The following ARL10 variants were observed in gnomAD, a reference collection of about 807,000 sequenced individuals.
ARL10 encodes the protein ADP-ribosylation factor-like protein 10.
Under a neutral mutation model 26.1 loss-of-function variants are expected in ARL10, and 23 were observed. The observed-to-expected ratio is 0.88, with a 90% CI of 0.63 to 1.25. The LOEUF (loss-of-function observed/expected upper bound fraction) is 1.25. Among genes scored for constraint, ARL10 ranks in the 50% most tolerant of loss-of-function variants. ARL10 has a pLI of 0.00. For synonymous variants in ARL10, 138 were observed against 149.1 expected (o/e 0.93, Z 0.54); for missense variants, 300 against 323.6 (o/e 0.93, Z 0.56).
Position 176,377,462 on chromosome 5 carries a change from T to C in ARL10, c.*5567T>C, listed in dbSNP as rs1768716229. ...TCTTATAACTCCTTAGCTACTGCCATAGCATCAGCTCTCCTACACAGGAAA... is the reference window on the plus strand; with the variant it reads ...TCTTATAACTCCTTAGCTACTGCCACAGCATCAGCTCTCCTACACAGGAAA... On this transcript the variant is annotated 3_prime_UTR_variant, in exon 4 of 4. Coordinates refer to ENST00000310389, the MANE Select transcript of ARL10 (RefSeq NM_173664.6). This position sits in a 1 kb window ranked among gnomAD's most constrained non-coding sequence, Gnocchi z 4.5. 6.6e-6 allele frequency: 1 copy of C among 152,182 alleles called. No individual in the cohort carries two copies. The highest frequency in any genetic ancestry group is 6.5e-5 in the Admixed American group (1 of 15,282). The allele number at this position is 152,182 out of a possible 1,614,324, so 9.4% of individuals were successfully genotyped here.
At chr5:176,403,013 C>T (rs1255604554), downstream of ARL10, among the ~76,000 whole-genome samples, 5 of 151,408 alleles carry the variant, frequency 3.3e-5, no homozygotes. Flanking sequence ...TCATCTGTAT[C>T]CTTCAGGGCC....
chr5:176,397,994 C>G (rs1463403015), intron 1 of ARL10: 1 of 1,614,006 alleles, frequency 6.2e-7, no homozygotes, highest in Non-Finnish European at 8.5e-7. Context: ...GCTCCTGGGT[C>G]AGCCTGTCAG....
At chr5:176,371,207 T>A (rs1206606041) in intron 3 of ARL10, among the ~76,000 whole-genome samples, 2 of 152,016 alleles carry the variant, frequency 1.3e-5, no homozygotes, top group Non-Finnish European at 2.9e-5. Flanking sequence ...AAACCCCGTC[T>A]CTACTAAAAA....
the ARL10 span, among the ~76,000 whole-genome samples, chr5:176,412,432 C>G: frequency 2.0e-5 from 3 of 152,122 alleles, no homozygotes; most frequent in African/African-American, 7.2e-5. Context: ...GGCTCCAGCA[C>G]GGAATGGGTG....
chr5:176,365,769 C>G (rs773414739), intron 1 of ARL10, 23 bp downstream of exon 1: 2 of 1,233,186 alleles, frequency 1.6e-6, no homozygotes, highest in South Asian at 4.0e-5. Context: ...CCGAGGCCTG[C>G]GGAAGGGCGG....
At position 176,376,403 on chromosome 5, in the gene ARL10, T is replaced by C. The variant is rs992395956; in HGVS notation, c.*4508T>C. On this transcript the variant is annotated 3_prime_UTR_variant, in exon 4 of 4. Transcript: ENST00000310389. Reference sequence around the variant, plus strand: ...AAAGGTTAGCATTCCACTCTTCCTTTGGGGTTTCAGGGTGACTTATTGGGA... The same window carrying C: ...AAAGGTTAGCATTCCACTCTTCCTTCGGGGTTTCAGGGTGACTTATTGGGA... 1 of 152,020 alleles carries C rather than the reference T, an allele frequency of 6.6e-6. No homozygotes were observed. The highest frequency in any genetic ancestry group is 1.5e-5 in the Non-Finnish European group (1 of 68,018). The allele number at this position is 152,020 out of a possible 1,614,324, so 9.4% of individuals were successfully genotyped here. A position where few individuals can be genotyped will look rare whatever the true frequency, so the allele number is the denominator to read the frequency against.
rs748282024 is a variant in ARL10, at chr5:176,366,399, A to T, written c.203A>T (p.Glu68Val). 1 of 1,610,618 alleles carries T rather than the reference A, an allele frequency of 6.2e-7. No homozygotes were observed. Among genetic ancestry groups the T allele is most frequent in the Non-Finnish European group, 8.5e-7 (1 of 1,179,510 alleles). Residue 68 changes from glutamate (E) to valine (V), a missense_variant, in exon 2 of 4, where the codon GAG becomes GTG. Transcript: ENST00000310389. Reference protein sequence around the residue: ...DEWDPEDEEDEEPALEELEQR... With the variant: ...DEWDPEDEEDVEPALEELEQR... ...CCGCAGCCCGAGGACGAGGAGGACG[A>T]GGAGCCGGCGCTGGAGGAGCTGGAA...
chr5:176,392,528 A>G (rs1377011534), downstream of ARL10: 25 of 513,742 alleles, frequency 4.9e-5, no homozygotes, highest in Non-Finnish European at 8.3e-5. This position sits in a 1 kb window ranked among gnomAD's most constrained non-coding sequence, Gnocchi z 5.2. Context: ...AAGCCAAGAA[A>G]AAAAATACAT....
In ARL10 at chr5:176,380,522, G is replaced by A. The variant is rs1755525780; in HGVS notation, c.*8627G>A. On this transcript the variant is annotated 3_prime_UTR_variant, in exon 4 of 4. Transcript: ENST00000310389. ...AGAGTCTTACTCTGTCACCACCCAG[G>A]CTGTAGCGCAATGGCACGATCTCAG... 1 of 146,338 alleles carries A rather than the reference G, an allele frequency of 6.8e-6. No homozygotes were observed. The highest frequency in any genetic ancestry group is 2.1e-4 in the East Asian group (1 of 4,806). 9.1% of individuals were successfully genotyped at this position (146,338 alleles called of 1,614,324 possible).
chr5:176,388,647 G>A (rs921279071), downstream of ARL10: 8 of 1,347,054 alleles, frequency 5.9e-6, no homozygotes, highest in African/African-American at 1.2e-4. Context: ...GGCATTTGGG[G>A]AAATGTAGTC....
chr5:176,411,798 C>G, the ARL10 span, among the ~76,000 whole-genome samples: 7 of 152,214 alleles, frequency 4.6e-5, no homozygotes, highest in African/African-American at 1.4e-4. Context: ...ACCAGCCCAT[C>G]CCACAAACCC....
At position 176,372,036 on chromosome 5, in the gene ARL10, G is replaced by C. The variant is rs946158325; in HGVS notation, c.*141G>C. ...CCTTTGCCTTTCAAGAGCAGGGCCT[G>C]GGCAAGGCCAAGAACCATGCAGAAG... On this transcript the variant is annotated 3_prime_UTR_variant, in exon 4 of 4. Coordinates refer to ENST00000310389, the MANE Select transcript of ARL10 (RefSeq NM_173664.6). 13 of 1,453,166 alleles carry C rather than the reference G, an allele frequency of 8.9e-6. No homozygotes were observed. The highest frequency in any genetic ancestry group is 8.0e-5 in the Admixed American group (3 of 37,536). The allele number at this position is 1,453,166 out of a possible 1,614,324, so 90.0% of individuals were successfully genotyped here. A position where few individuals can be genotyped will look rare whatever the true frequency, so the allele number is the denominator to read the frequency against.
chr5:176,393,007 G>A (rs774659281), downstream of ARL10: 63 of 1,594,532 alleles, frequency 4.0e-5, no homozygotes, highest in Non-Finnish European at 5.1e-5. This position sits in a 1 kb window ranked among gnomAD's most constrained non-coding sequence, Gnocchi z 4.4. Flanking sequence ...TTGCCCTTGA[G>A]CAAGGCTGCT....
chr5:176,413,336 G>C, the ARL10 span, among the ~76,000 whole-genome samples: 15 of 152,348 alleles, frequency 9.8e-5, no homozygotes, highest in Middle Eastern at 0.014. Flanking sequence ...CGGGGGAAAT[G>C]GGCTTGCCCA....
At chr5:176,371,668 T>G in intron 3 of ARL10, 54 bp from the exon 4 acceptor site, 1 of 1,494,628 alleles carries the variant, frequency 6.7e-7, no homozygotes, top group East Asian at 2.3e-5. Context: ...GACAAGGGTG[T>G]CAGTGTGTTA....
intron 1 of ARL10, among the ~76,000 whole-genome samples, chr5:176,394,970 T>C (rs1356574372): frequency 2.0e-5 from 3 of 152,242 alleles, no homozygotes; most frequent in East Asian, 3.9e-4. Flanking sequence ...CATCCCTTGC[T>C]GGAAGCCTCC....
At chr5:176,395,002 G>C (rs528311526) in intron 1 of ARL10, among the ~76,000 whole-genome samples, 1 of 151,976 alleles carries the variant, frequency 6.6e-6, no homozygotes, top group Non-Finnish European at 1.5e-5. Flanking sequence ...ACTGCCTTCT[G>C]GATCAAGTCT....
intron 1 of ARL10, among the ~76,000 whole-genome samples, chr5:176,394,545 C>A (rs57355440): frequency 1.3e-5 from 2 of 151,904 alleles, no homozygotes; most frequent in Non-Finnish European, 2.9e-5. Context: ...TGGCCAGGCG[C>A]GGTGGCTCAT....
intron 1 of ARL10, among the ~76,000 whole-genome samples, chr5:176,399,818 C>T (rs189576959): frequency 3.4e-4 from 51 of 150,422 alleles, no homozygotes; most frequent in African/African-American, 1.2e-3. Context: ...GCGAAGATTG[C>T]AGTGAGCAGA....
Sources: allele counts gnomAD v4.1 joint callset (sites outside exome capture counted in the v4.1 genomes callset), GRCh38; gene constraint gnomAD v4.1.1; non-coding constraint Gnocchi (gnomAD v3.1); transcripts MANE v1.5; gene names NCBI Gene and HGNC (gene_info 2026-07-23, HGNC 2026-07-21).